KRT86: variants seen among roughly 807,000 people sequenced by gnomAD.
The protein encoded by KRT86 is keratin, type II cuticular Hb6.
A neutral mutation model predicts 41.2 loss-of-function variants in KRT86; 30 were observed. The observed-to-expected ratio is 0.73, with a 90% confidence interval of 0.54 to 0.99. The LOEUF is 0.99. Among genes scored for constraint, KRT86 ranks in the 50% least tolerant of loss-of-function variants. KRT86 has a pLI of 0.00. For missense variants in KRT86, 561 were observed against 571.4 expected (o/e 0.98, Z 0.19); for synonymous variants, 238 against 238.1 (o/e 1.00, Z 0.00).
At position 52,306,187 on chromosome 12, in the gene KRT86, T is replaced by C; in HGVS notation, c.1154T>C (p.Leu385Pro). Residue 385 changes from leucine to proline, a missense_variant, in exon 9 of 11, where the codon CTG becomes CCG. Leu to Pro is a moderately conservative substitution (Grantham distance 98). This residue lies in a region of KRT86 where 397 missense variants were observed against 375.9 expected (regional missense o/e 1.06). Transcript: ENST00000423955. ...AAGGCCAAGCAGGACATGGCCTGCC[T>C]GATCAGGGAGTACCAGGAGGTGATG... ...LQKAKQDMAC[L>P]IREYQEVMNS... is the part of the protein sequence containing the mutation. 2 of 1,613,866 alleles carry C rather than the reference T, an allele frequency of 1.2e-6. No individual in the cohort carries two copies. Among genetic ancestry groups the C allele is most frequent in the Non-Finnish European group, 1.7e-6 (2 of 1,180,026 alleles).
Position 52,308,258 on chromosome 12 carries a change from A to G in KRT86, c.1273A>G (p.Asn425Asp). ...QRLCEGVGSV[N>D]VCVSSSRGGV... ...GCTGTGCGAGGGCGTCGGCTCGGTG[A>G]ATGTCTGTAAGTAGTGGGGTCCGTC... Residue 425 changes from asparagine (N) to aspartate (D), a missense_variant, in exon 10 of 11, where the codon AAT (asparagine) becomes GAT (aspartate). Physicochemically the swap from Asn to Asp is conservative, Grantham distance 23. Around this residue, in one of 3 missense-constraint regions of KRT86, gnomAD observed 397 missense variants for 375.9 expected, o/e 1.06. Transcript: ENST00000423955. The G allele has an allele frequency of 6.2e-7, 1 of 1,614,150 alleles. No individual in the cohort carries two copies. The highest frequency in any genetic ancestry group is 1.1e-5 in the South Asian group (1 of 91,076).
At chr12:52,298,509 T>G (rs1938300344) in intron 2 of KRT86, among the ~76,000 whole-genome samples, 4 of 152,186 alleles carry the variant, frequency 2.6e-5, no homozygotes, top group South Asian at 4.1e-4. Context: ...AGCAGCAGCA[T>G]CAGCAGCAAC....
intron 2 of KRT86, among the ~76,000 whole-genome samples, chr12:52,295,347 G>A (rs1263676172): frequency 6.6e-6 from 1 of 152,168 alleles, no homozygotes; most frequent in Admixed American, 6.5e-5. Context: ...GGTCTAGGGA[G>A]GTTAAGGCTC....
rs1480690407 is a variant in KRT86, at chr12:52,291,550, C to T, written c.-4-10363C>T. The T allele has an allele frequency of 4.5e-6, 7 of 1,565,990 alleles. No individual in the cohort carries two copies. In the Admixed American group the frequency reaches 7.3e-5, roughly 16 times the overall value. The stretch of plus-strand genomic sequence containing the variant: ...AACTCCAATGTGCTCCTCAGGGCAC[C>T]GCAGCCCTATTTATGCGCAGATTCT... On this transcript the variant is annotated intron_variant, in intron 2 of 10. Coordinates refer to ENST00000423955, the MANE Select transcript of KRT86 (RefSeq NM_001320198.2).
At chr12:52,283,863 A>G (rs542688393) in intron 2 of KRT86, among the ~76,000 whole-genome samples, 1 of 151,660 alleles carries the variant, frequency 6.6e-6, no homozygotes, top group Non-Finnish European at 1.5e-5. Context: ...GAGATGTTCC[A>G]TTTTCTTCAC....
intron 2 of KRT86, among the ~76,000 whole-genome samples, chr12:52,288,729 GCCCAGACTGACCC>G (rs1374992834): frequency 4.0e-5 from 6 of 151,820 alleles, no homozygotes; most frequent in Admixed American, 3.9e-4. Flanking sequence ...CAGGAAGCCT[GCCCAGACTGACCC>G]CCCAGCTCTC....
chr12:52,286,410 C>T lies in KRT86; in HGVS notation c.-5+10464C>T, dbSNP rs145963392. The T allele has an allele frequency of 1.5e-5, 23 of 1,554,154 alleles. No homozygotes were observed. Among genetic ancestry groups the T allele is most frequent in the African/African-American group, 6.8e-5 (5 of 73,246 alleles). On this transcript the variant is annotated intron_variant, in intron 2 of 10. Transcript: ENST00000423955. Reference sequence around the variant, plus strand: ...ACCGCCACGTTCCCGTTGCACGGAGCGCTGCAGACACTGCCAGTCACTGGC... The same window carrying T: ...ACCGCCACGTTCCCGTTGCACGGAGTGCTGCAGACACTGCCAGTCACTGGC...
chr12:52,286,659 AC>A (rs1171597200), intron 2 of KRT86: 2 of 1,203,184 alleles, frequency 1.7e-6, no homozygotes, highest in East Asian at 2.5e-5. Flanking sequence ...TGGATGTCTG[AC>A]CCCAAATCCC....
At chr12:52,291,435 C>G in intron 2 of KRT86, 1 of 1,612,446 alleles carries the variant, frequency 6.2e-7, no homozygotes, top group African/African-American at 1.3e-5. Context: ...CAGCTGAAGG[C>G]GCGCCCACCA....
At chr12:52,293,250 G>A (rs371046805) in intron 2 of KRT86, among the ~76,000 whole-genome samples, 171 of 152,280 alleles carry the variant, frequency 1.1e-3, no homozygotes, top group African/African-American at 3.9e-3. Context: ...TATCGTAAAT[G>A]ATCTCTAATT....
chr12:52,286,919 A>G, intron 2 of KRT86: 1 of 1,540,026 alleles, frequency 6.5e-7, no homozygotes, highest in Non-Finnish European at 8.9e-7. Flanking sequence ...CTGGTCAATT[A>G]AGAACAGAGT....
rs765859692 is a variant in KRT86, at chr12:52,291,433, G to A, written c.-4-10480G>A. ...GCCCGCAGGCCGAGATGCAGCTGAA[G>A]GCGCGCCCACCAAATCCTGATCCGC... is the stretch of plus-strand genomic sequence containing the variant. On this transcript the variant is annotated intron_variant, in intron 2 of 10. Transcript: ENST00000423955. The A allele has an allele frequency of 4.3e-6, 7 of 1,612,538 alleles. No individual in the cohort carries two copies. The Admixed American group carries it at 5.0e-5, about 12-fold the overall frequency.
chr12:52,278,973 C>T (rs1937705648), intron 2 of KRT86: 1 of 152,364 alleles, frequency 6.6e-6, no homozygotes, highest in Non-Finnish European at 1.5e-5. Context: ...ACATCTGTCT[C>T]CTGGTGGGGA....
chr12:52,294,759 CCT>C (rs1009075439), intron 2 of KRT86, among the ~76,000 whole-genome samples: 1 of 152,182 alleles, frequency 6.6e-6, no homozygotes, highest in African/African-American at 2.4e-5. Flanking sequence ...TAGGGTGACT[CCT>C]CTCTTGCATT....
chr12:52,298,679 A>G (rs191300598), intron 2 of KRT86, among the ~76,000 whole-genome samples: 2 of 152,370 alleles, frequency 1.3e-5, no homozygotes, highest in East Asian at 3.8e-4. Context: ...GAGGCTAAGT[A>G]ATTGCCTGAG....
chr12:52,305,512 T>G lies in KRT86; in HGVS notation c.900+108T>G, dbSNP rs1220811734. 5.6e-6 allele frequency: 9 copies of G among 1,599,256 alleles called. No homozygotes were observed. The East Asian group carries it at 9.0e-5, about 16-fold the overall frequency. ...GGGATGCACTAGGGATGAGAAGAGA[T>G]GGCTGCCACTCTGATGTTGGGGTGG... On this transcript the variant is annotated intron_variant, in intron 7 of 10. Transcript: ENST00000423955.
At chr12:52,283,197 C>G (rs1436632838) in intron 2 of KRT86, among the ~76,000 whole-genome samples, 1 of 151,580 alleles carries the variant, frequency 6.6e-6, no homozygotes, top group African/African-American at 2.4e-5. Context: ...AGTTTGAGAC[C>G]AGCCTGGACA....
At chr12:52,287,591 C>G in intron 2 of KRT86, 1 of 1,613,932 alleles carries the variant, frequency 6.2e-7, no homozygotes, top group Non-Finnish European at 8.5e-7. Context: ...ACAGATGCCC[C>G]ATACCTGGCA....
chr12:52,300,502 G>C (rs1938347501), intron 2 of KRT86, among the ~76,000 whole-genome samples: 1 of 152,176 alleles, frequency 6.6e-6, no homozygotes, highest in Non-Finnish European at 1.5e-5. Flanking sequence ...AGGAGGGAAA[G>C]CCTTAACCTA....
Sources: allele counts gnomAD v4.1 joint callset (sites outside exome capture counted in the v4.1 genomes callset), GRCh38; gene constraint gnomAD v4.1.1; regional missense constraint gnomAD v4.1.1; transcripts MANE v1.5; gene names NCBI Gene and HGNC (gene_info 2026-07-23, HGNC 2026-07-21).